Variants in VPS8 observed in about 807,000 individuals in gnomAD.
The protein encoded by VPS8 is vacuolar protein sorting-associated protein 8 homolog.
In VPS8, 129 loss-of-function variants were observed where a neutral mutation model predicts 216.4. The ratio of observed to expected loss-of-function variants is 0.60; its 90% CI spans 0.52 to 0.69. The LOEUF is 0.69. VPS8 is among the 30% of genes least tolerant of loss of function. The pLI, the probability that VPS8 is intolerant of heterozygous loss-of-function variation, is 0.00. For missense variants in VPS8, 1,531 were observed against 1,683.5 expected, an observed-to-expected ratio of 0.91 and a Z score of 1.59; for synonymous variants, 571 against 565.4, an observed-to-expected ratio of 1.01 and a Z score of -0.14.
Position 184,928,507 on chromosome 3 carries a change from C to T in VPS8, c.2688C>T (p.Leu896=). ...TAGTTCAATTTGAAGAGAGTCGACTCATCCGGATGGCAGAAAAAGCTGAGT... is the reference window on the plus strand; with the variant it reads ...TAGTTCAATTTGAAGAGAGTCGACTTATCCGGATGGCAGAAAAAGCTGAGT... ...GGIVQFEESR[L]IRMAEKAEFY... Residue 896 remains leucine (L), a synonymous_variant, in exon 32 of 48, where the codon CTC becomes CTT. Coordinates refer to ENST00000625842, the MANE Select transcript of VPS8 (RefSeq NM_001009921.3). 6.5e-7 allele frequency: 1 copy of T among 1,528,070 alleles called. No individual in the cohort carries two copies. The allele number at this position is 1,528,070 out of a possible 1,614,324, so 94.7% of individuals were successfully genotyped here.
chr3:184,910,116 C>A (rs1736206480), intron 25 of VPS8, among the ~76,000 whole-genome samples: 1 of 145,194 alleles, frequency 6.9e-6, no homozygotes. Context: ...CTTTTCTTTG[C>A]AAGATTCTCC....
chr3:184,908,069 A>C (rs921633704), intron 25 of VPS8, among the ~76,000 whole-genome samples: 1 of 152,106 alleles, frequency 6.6e-6, no homozygotes, highest in Non-Finnish European at 1.5e-5. Context: ...ATTAGTCCCA[A>C]CTACTAACAC....
rs1721572880 is a variant in VPS8, at chr3:184,838,727, C to G, written c.461C>G (p.Ala154Gly). ...QIVSAADKVD[A>G]GLPTAIAVSS... ...AATTTCATTTAGGACAAAGTAGATG[C>G]TGGCTTGCCTACAGCAATTGTAAGT... The change falls in exon 6 of 48, where the codon GCT (alanine) becomes GGT (glycine). Residue 154 changes from alanine to glycine, a missense_variant. Ala to Gly is a moderately conservative substitution (Grantham distance 60). Around this residue, in one of 3 missense-constraint regions of VPS8, gnomAD observed 199 missense variants for 182.2 expected, o/e 1.09. Coordinates refer to ENST00000625842, the MANE Select transcript of VPS8 (RefSeq NM_001009921.3). 1.3e-6 allele frequency: 2 copies of G among 1,542,184 alleles called. No individual in the cohort carries two copies. Among genetic ancestry groups the G allele is most frequent in the Non-Finnish European group, 1.7e-6 (2 of 1,144,656 alleles).
At chr3:185,027,257 T>C (rs1757507987) in intron 46 of VPS8, among the ~76,000 whole-genome samples, 1 of 146,872 alleles carries the variant, frequency 6.8e-6, no homozygotes, top group Non-Finnish European at 1.5e-5. Context: ...TTTTTTTTTT[T>C]TTTGAGACGG....
intron 1 of VPS8, among the ~76,000 whole-genome samples, chr3:184,814,292 C>G (rs1314145988): frequency 6.6e-6 from 1 of 152,204 alleles, no homozygotes. Context: ...TCCCTTTCTG[C>G]AAAGGACCAG....
chr3:184,827,769 T>C (rs2108521575), intron 3 of VPS8, among the ~76,000 whole-genome samples: 1 of 152,336 alleles, frequency 6.6e-6, no homozygotes, highest in Non-Finnish European at 1.5e-5. Flanking sequence ...TCATCCTCAA[T>C]AGTAGTTTGA....
At chr3:185,047,316 C>G (rs929686315) in intron 46 of VPS8, among the ~76,000 whole-genome samples, 1 of 152,208 alleles carries the variant, frequency 6.6e-6, no homozygotes, top group Non-Finnish European at 1.5e-5. Context: ...CTTGAATCTT[C>G]ATAGCCACTT....
rs986367257 is a variant in VPS8 at position 184,898,452 on chromosome 3, A to G, written c.2005-113A>G. On this transcript the variant is annotated intron_variant, in intron 23 of 47. Coordinates refer to ENST00000625842, the MANE Select transcript of VPS8 (RefSeq NM_001009921.3). ...ACTTGAATTTCAGTTTTTATCAGAGAAGAAACAAGAAAAATTAGGGAAGAG... is the reference window on the plus strand; with the variant it reads ...ACTTGAATTTCAGTTTTTATCAGAGGAGAAACAAGAAAAATTAGGGAAGAG... 8 of 831,158 alleles carry G rather than the reference A, an allele frequency of 9.6e-6. No individual in the cohort carries two copies. The African/African-American group carries it at 1.4e-4, about 15-fold the overall frequency. The allele number at this position is 831,158 out of a possible 1,614,324, so 51.5% of individuals were successfully genotyped here.
At chr3:184,823,703 AACAC>A (rs1275778948) in intron 1 of VPS8, among the ~76,000 whole-genome samples, 3 of 152,202 alleles carry the variant, frequency 2.0e-5, no homozygotes, top group Non-Finnish European at 4.4e-5. Flanking sequence ...GCCTAATTGA[AACAC>A]AAAGTAAAAT....
intron 16 of VPS8, among the ~76,000 whole-genome samples, chr3:184,865,134 G>A (rs1005412550): frequency 8.5e-5 from 13 of 152,090 alleles, no homozygotes; most frequent in African/African-American, 1.7e-4. Flanking sequence ...AAAATGAAAC[G>A]CAGGAAAATA....
intron 21 of VPS8, among the ~76,000 whole-genome samples, chr3:184,878,215 A>G (rs1338096925): frequency 6.6e-6 from 1 of 150,758 alleles, no homozygotes; most frequent in East Asian, 1.9e-4. Context: ...GGTTCAAGCT[A>G]TTTTCCTGCC....
chr3:184,823,290 A>G (rs1288539204), intron 1 of VPS8, among the ~76,000 whole-genome samples: 1 of 152,240 alleles, frequency 6.6e-6, no homozygotes, highest in East Asian at 1.9e-4. Flanking sequence ...AGGCTGGAGG[A>G]TGGCTTGAGC....
chr3:185,000,099 A>G (rs141123638), intron 45 of VPS8, among the ~76,000 whole-genome samples: 1,988 of 152,314 alleles, frequency 0.013, 23 homozygotes, highest in Non-Finnish European at 0.021. Flanking sequence ...ACGGCTTAAG[A>G]TCCAGTTGGA....
chr3:184,973,373 A>G (rs1352771215), intron 40 of VPS8, among the ~76,000 whole-genome samples: 1 of 152,214 alleles, frequency 6.6e-6, no homozygotes. Flanking sequence ...ATGTATGTAT[A>G]TTACTCAGCT....
At chr3:184,901,692 A>G (rs952228575) in intron 25 of VPS8, among the ~76,000 whole-genome samples, 10 of 152,216 alleles carry the variant, frequency 6.6e-5, no homozygotes, top group Admixed American at 2.0e-4. Context: ...GTCAAGATAT[A>G]GAAAACTTTC....
At chr3:184,951,547 G>A (rs1489320105) in intron 36 of VPS8, among the ~76,000 whole-genome samples, 3 of 151,850 alleles carry the variant, frequency 2.0e-5, no homozygotes, top group Non-Finnish European at 2.9e-5. Flanking sequence ...GTCTTCCCTA[G>A]AAATGGTTCA....
chr3:184,894,524 A>G (rs1341892494), intron 22 of VPS8, among the ~76,000 whole-genome samples, 179 bp from the exon 23 acceptor site: 1 of 137,772 alleles, frequency 7.3e-6, no homozygotes, highest in African/African-American at 2.7e-5. Context: ...ATATATATAT[A>G]TATATATACA....
At chr3:184,896,331 C>A (rs1249269320) in intron 23 of VPS8, among the ~76,000 whole-genome samples, 1 of 152,056 alleles carries the variant, frequency 6.6e-6, no homozygotes, top group Non-Finnish European at 1.5e-5. Flanking sequence ...CATTTTCAGT[C>A]TTTCCCCACT....
intron 34 of VPS8, 83 bp downstream of exon 34, chr3:184,930,651 T>C (rs1740515701): frequency 5.3e-6 from 5 of 951,070 alleles, no homozygotes; most frequent in Non-Finnish European, 6.8e-6. Flanking sequence ...AGCAATGGCA[T>C]GTATCATATT....
Sources: gnomAD v4.1 joint callset for allele counts (sites outside exome capture counted in the v4.1 genomes callset) on GRCh38, gnomAD v4.1.1 for gene constraint, gnomAD v4.1.1 regional missense constraint, MANE v1.5 for transcripts, NCBI Gene and HGNC (gene_info 2026-07-23, HGNC 2026-07-21) for gene names.